Variants in UGT2A2 observed in about 807,000 individuals in gnomAD.
UGT2A2 encodes UDP glucuronosyltransferase family 2 member A2.
Under a neutral mutation model 50.7 loss-of-function variants are expected in UGT2A2, and 60 were observed. That is an observed-to-expected ratio of 1.18 (90% CI 0.96 to 1.47). The LOEUF (loss-of-function observed/expected upper bound fraction) is 1.47. UGT2A2 is among the 40% of genes most tolerant of loss of function. UGT2A2 has a pLI of 0.00. For missense variants in UGT2A2, 762 were observed against 634.0 expected (o/e 1.20, Z -2.17); for synonymous variants, 242 against 214.6 (o/e 1.13, Z -1.11).
intron 1 of UGT2A2, among the ~76,000 whole-genome samples, chr4:69,634,332 A>C (rs1376669968): frequency 6.6e-6 from 1 of 152,070 alleles, no homozygotes; most frequent in African/African-American, 2.4e-5. Flanking sequence ...TATAAGAAGG[A>C]ATTGGAAGGC....
Position 69,589,566 on chromosome 4 carries a change from A to G in UGT2A2, c.1417T>C (p.Phe473Leu), listed in dbSNP as rs747808890. Reference sequence around the variant, plus strand: ...TTGGCTCCTTTGTGGCGCATGACAAACTCGATCCAGAAGACTGCTCGATCC... The same window carrying G: ...TTGGCTCCTTTGTGGCGCATGACAAGCTCGATCCAGAAGACTGCTCGATCC... ...PLDRAVFWIE[F>L]VMRHKGAKHL... Residue 473 changes from phenylalanine (F) to leucine (L), a missense_variant, in exon 6 of 6, where the codon TTT becomes CTT. By Grantham distance (22) the Phe-to-Leu change is conservative. Transcript: ENST00000604629. 5 of 1,613,940 alleles carry G rather than the reference A, an allele frequency of 3.1e-6. No individual in the cohort carries two copies. In the Admixed American group the frequency reaches 5.0e-5, roughly 16 times the overall value.
intron 1 of UGT2A2, among the ~76,000 whole-genome samples, chr4:69,621,889 A>G (rs181307724): frequency 6.6e-6 from 1 of 151,994 alleles, no homozygotes; most frequent in Admixed American, 6.6e-5. Flanking sequence ...CATTATTCTT[A>G]GCAAACTAAT....
intron 1 of UGT2A2, chr4:69,635,856 A>C (rs1223633211): frequency 7.6e-6 from 1 of 131,440 alleles, no homozygotes; most frequent in Non-Finnish European, 1.6e-5. Flanking sequence ...AAAAAGAGAG[A>C]GAGAGAGAGA....
intron 1 of UGT2A2, chr4:69,599,609 A>C: frequency 1.8e-6 from 1 of 571,218 alleles, no homozygotes; most frequent in Non-Finnish European, 2.6e-6. Context: ...GGAAGGGAGG[A>C]AGGGAGGAAG....
intron 5 of UGT2A2, among the ~76,000 whole-genome samples, chr4:69,593,090 C>T (rs189954102): frequency 4.6e-5 from 7 of 152,104 alleles, no homozygotes; most frequent in African/African-American, 1.4e-4. Flanking sequence ...AAAGCAAGAG[C>T]TAAATATATT....
chr4:69,589,740 G>A, intron 5 of UGT2A2, 89 bp from the exon 6 acceptor site: 2 of 1,498,656 alleles, frequency 1.3e-6, no homozygotes, highest in Non-Finnish European at 1.8e-6. Context: ...TGCTCTACAA[G>A]TTTAAGGCCA....
intron 1 of UGT2A2, among the ~76,000 whole-genome samples, chr4:69,621,367 A>C (rs1720745003): frequency 6.6e-6 from 1 of 151,974 alleles, no homozygotes; most frequent in Non-Finnish European, 1.5e-5. Flanking sequence ...AAGAAGACAT[A>C]CATGCAACCA....
At position 69,589,202 on chromosome 4, in the gene UGT2A2, C is replaced by G. The variant is rs1245564941; in HGVS notation, c.*170G>C. The G allele has an allele frequency of 7.0e-6, 6 of 853,112 alleles. No individual in the cohort carries two copies. The highest frequency in any genetic ancestry group is 9.9e-6 in the Non-Finnish European group (6 of 608,704). The allele number at this position is 853,112 out of a possible 1,614,324, so 52.8% of individuals were successfully genotyped here. A position where few individuals can be genotyped will look rare whatever the true frequency, so the allele number is the denominator to read the frequency against. On this transcript the variant is annotated 3_prime_UTR_variant, in exon 6 of 6. Transcript: ENST00000604629. ...AACTCACAAGTTAATAATAATCATG[C>G]CAAAATCTAGGCTTTATCAGTAGGC... is the stretch of plus-strand genomic sequence containing the variant.
Position 69,619,358 on chromosome 4 carries a change from G to A in UGT2A2, c.742+19541C>T, listed in dbSNP as rs546811458. 3.6e-4 allele frequency among the ~76,000 whole-genome samples: 55 copies of A among 151,782 alleles called. 2 individuals carry two copies. The South Asian group carries it at 0.011, about 30-fold the overall frequency. On this transcript the variant is annotated intron_variant, in intron 1 of 5. Coordinates refer to ENST00000604629, the MANE Select transcript of UGT2A2 (RefSeq NM_001105677.2). ...AGACTACAGTGAGCCAACATCAGTG[G>A]CACTGTACTTCAGCCTGGGTGACAG... is the stretch of plus-strand genomic sequence containing the variant.
At chr4:69,601,569 C>T (rs796645357) in intron 1 of UGT2A2, among the ~76,000 whole-genome samples, 3 of 152,268 alleles carry the variant, frequency 2.0e-5, no homozygotes, top group African/African-American at 7.2e-5. Flanking sequence ...CCTCAGCTAT[C>T]ACTATTACCT....
At chr4:69,604,216 C>T (rs1438722636) in intron 1 of UGT2A2, among the ~76,000 whole-genome samples, 1 of 137,038 alleles carries the variant, frequency 7.3e-6, no homozygotes. Context: ...AACAGCTGAT[C>T]TCTTGGCAGA....
chr4:69,633,789 A>C (rs1021760227), intron 1 of UGT2A2, among the ~76,000 whole-genome samples: 11 of 152,164 alleles, frequency 7.2e-5, no homozygotes, highest in African/African-American at 2.7e-4. Flanking sequence ...TTACCATTAA[A>C]TAGGAGTTGT....
rs1344167515 is a variant in UGT2A2 at position 69,606,499 on chromosome 4, T to C, written c.743-7105A>G. ...TGGACAAAAACTGGAAGTATTCCCT[T>C]TGAAAACTGGCACAAGACAGGGATG... On this transcript the variant is annotated intron_variant, in intron 1 of 5. Coordinates refer to ENST00000604629, the MANE Select transcript of UGT2A2 (RefSeq NM_001105677.2). Among the ~76,000 whole-genome samples, 9 of 136,406 alleles carry C rather than the reference T, an allele frequency of 6.6e-5. 1 individual carries two copies. The highest frequency in any genetic ancestry group is 1.1e-4 in the Non-Finnish European group (7 of 64,260). The allele number at this position is 136,406 out of a possible 152,430, so 89.5% of individuals were successfully genotyped here.
At chr4:69,629,325 G>A (rs140293757) in intron 1 of UGT2A2, among the ~76,000 whole-genome samples, 6 of 152,080 alleles carry the variant, frequency 3.9e-5, no homozygotes, top group African/African-American at 7.2e-5. Flanking sequence ...TTCTCAACTT[G>A]TACATTCCCA....
At position 69,602,958 on chromosome 4, in the gene UGT2A2, C is replaced by T. The variant is rs1268852768; in HGVS notation, c.743-3564G>A. Among the ~76,000 whole-genome samples, 5 of 135,432 alleles carry T rather than the reference C, an allele frequency of 3.7e-5. 1 individual carries two copies. The highest frequency in any genetic ancestry group is 7.8e-5 in the Non-Finnish European group (5 of 63,962). 88.8% of individuals were successfully genotyped at this position (135,432 alleles called of 152,430 possible). On this transcript the variant is annotated intron_variant, in intron 1 of 5. Coordinates refer to ENST00000604629, the MANE Select transcript of UGT2A2 (RefSeq NM_001105677.2). ...TGGCAGGTGCCTGTAATCCCAGATA[C>T]TCTAGAGGCTGAGGCAGAGAATTGC...
chr4:69,612,383 A>G (rs1210149574), intron 1 of UGT2A2, among the ~76,000 whole-genome samples: 1 of 152,152 alleles, frequency 6.6e-6, no homozygotes, highest in East Asian at 1.9e-4. Context: ...ATCATCACAT[A>G]ATTAGATAAA....
chr4:69,597,575 C>T (rs933702252), intron 2 of UGT2A2, among the ~76,000 whole-genome samples: 32 of 152,084 alleles, frequency 2.1e-4, no homozygotes, highest in African/African-American at 7.7e-4. Flanking sequence ...AGCCAAATAA[C>T]TAGGGGAGGG....
chr4:69,608,058 T>C (rs780297995), intron 1 of UGT2A2, among the ~76,000 whole-genome samples: 1 of 152,152 alleles, frequency 6.6e-6, no homozygotes, highest in Non-Finnish European at 1.5e-5. Flanking sequence ...GATCCAGCCA[T>C]CCCATTACTG....
chr4:69,592,345 C>T (rs545081911), intron 5 of UGT2A2, among the ~76,000 whole-genome samples: 15 of 151,004 alleles, frequency 9.9e-5, no homozygotes, highest in Non-Finnish European at 1.6e-4. Context: ...ACACCAAGAC[C>T]GAGAAAAAAT....
Sources: gnomAD v4.1 joint callset for allele counts (sites outside exome capture counted in the v4.1 genomes callset) on GRCh38, gnomAD v4.1.1 for gene constraint, MANE v1.5 for transcripts, NCBI Gene and HGNC (gene_info 2026-07-23, HGNC 2026-07-21) for gene names.